BMPR2: variants seen among roughly 807,000 people sequenced by gnomAD.
BMPR2 encodes the protein bone morphogenetic protein receptor type-2.
Under a neutral mutation model 100.8 loss-of-function variants are expected in BMPR2, and 29 were observed. The observed-to-expected ratio is 0.29, with a 90% confidence interval of 0.21 to 0.39. The LOEUF (loss-of-function observed/expected upper bound fraction) is 0.39, where lower values mean the gene tolerates loss of function less well. BMPR2 is among the 10% of genes least tolerant of loss of function. The pLI is 1.00. For missense variants in BMPR2, 1,011 were observed against 1,274.5 expected (o/e 0.79, Z 3.15); for synonymous variants, 382 against 442.3 (o/e 0.86, Z 1.71).
intron 2 of BMPR2, 121 bp from the exon 3 acceptor site, chr2:202,467,397 CA>C (rs1295456599): frequency 2.3e-6 from 2 of 869,182 alleles, no homozygotes; most frequent in Non-Finnish European, 3.7e-6. Context: ...TGTTGATTTG[CA>C]AAACTGTTTC....
intron 1 of BMPR2, among the ~76,000 whole-genome samples, chr2:202,417,812 G>C (rs1053280040): frequency 1.4e-4 from 21 of 151,074 alleles, no homozygotes; most frequent in Middle Eastern, 3.4e-3. Context: ...TCTGCCTTCT[G>C]GGTTCATGCC....
At chr2:202,386,434 T>C (rs938191249) in intron 1 of BMPR2, among the ~76,000 whole-genome samples, 6 of 152,280 alleles carry the variant, frequency 3.9e-5, no homozygotes, top group African/African-American at 1.4e-4. Context: ...AAATTAGAGA[T>C]ATCTTTGTCT....
At position 202,532,509 on chromosome 2, in the gene BMPR2, A is replaced by G. The variant is rs1028573836; in HGVS notation, c.1129-76A>G. 134 of 1,525,950 alleles carry G rather than the reference A, an allele frequency of 8.8e-5. No homozygotes were observed. The highest frequency in any genetic ancestry group is 1.1e-4 in the Non-Finnish European group (118 of 1,105,756). 94.5% of individuals were successfully genotyped at this position (1,525,950 alleles called of 1,614,324 possible). ...ACATTGACATGACTAAGATTTATATATAACTTCTGGTCTAATGTCTGTTCT... is the reference window on the plus strand; with the variant it reads ...ACATTGACATGACTAAGATTTATATGTAACTTCTGGTCTAATGTCTGTTCT... On this transcript the variant is annotated intron_variant, in intron 8 of 12. Coordinates refer to ENST00000374580, the MANE Select transcript of BMPR2 (RefSeq NM_001204.7). This position sits in a 1 kb window ranked among gnomAD's most constrained non-coding sequence, Gnocchi z 4.1.
intron 5 of BMPR2, among the ~76,000 whole-genome samples, chr2:202,515,268 G>A (rs1172871591): frequency 6.6e-6 from 1 of 151,976 alleles, no homozygotes; most frequent in Non-Finnish European, 1.5e-5. Flanking sequence ...GTGATGAAAA[G>A]GGGGTTATTA....
intron 1 of BMPR2, among the ~76,000 whole-genome samples, chr2:202,445,829 C>G (rs960238452): frequency 7.1e-6 from 1 of 139,866 alleles, no homozygotes; most frequent in Non-Finnish European, 1.5e-5. Context: ...GGCTGGAGTG[C>G]AGTGGCACAA....
At chr2:202,387,214 A>G (rs1328245844) in intron 1 of BMPR2, among the ~76,000 whole-genome samples, 2 of 152,230 alleles carry the variant, frequency 1.3e-5, no homozygotes, top group African/African-American at 4.8e-5. Context: ...TAGGTTTAAG[A>G]TACCTTATTC....
intron 1 of BMPR2, among the ~76,000 whole-genome samples, chr2:202,377,799 C>T (rs556105428): frequency 6.6e-6 from 1 of 152,338 alleles, no homozygotes; most frequent in African/African-American, 2.4e-5. Flanking sequence ...GTGAAAAAGA[C>T]ATATTGGGTG....
intron 10 of BMPR2, among the ~76,000 whole-genome samples, chr2:202,543,641 C>T (rs1284150718): frequency 1.3e-5 from 2 of 152,002 alleles, no homozygotes; most frequent in Non-Finnish European, 2.9e-5. Context: ...TTTTTCTCTT[C>T]CAAAGATTAC....
rs189276235 is a variant in BMPR2 at position 202,546,246 on chromosome 2, G to A, written c.1413+3799G>A. Among the ~76,000 whole-genome samples the A allele has an allele frequency of 2.1e-3, 324 of 152,292 alleles. 1 individual carries two copies. Among genetic ancestry groups the A allele is most frequent in the African/African-American group, 7.3e-3 (304 of 41,552 alleles). ...AGCAAGTACATAGTTTATAAAAAGA[G>A]AGAAATGCAGCTATGTCTAAAGAAG... is the stretch of plus-strand genomic sequence containing the variant. On this transcript the variant is annotated intron_variant, in intron 10 of 12. Coordinates refer to ENST00000374580, the MANE Select transcript of BMPR2 (RefSeq NM_001204.7).
intron 1 of BMPR2, among the ~76,000 whole-genome samples, chr2:202,410,724 C>T (rs1029444926): frequency 2.0e-5 from 3 of 151,964 alleles, no homozygotes; most frequent in African/African-American, 4.8e-5. Flanking sequence ...GGACTACAGG[C>T]GCCCGCTGCC....
Position 202,565,271 on chromosome 2 carries a change from C to T in BMPR2, c.*5325C>T, listed in dbSNP as rs1688742171. 6.6e-6 allele frequency: 1 copy of T among 152,156 alleles called. No homozygotes were observed. Among genetic ancestry groups the T allele is most frequent in the African/African-American group, 2.4e-5 (1 of 41,432 alleles). The allele number at this position is 152,156 out of a possible 1,614,324, so 9.4% of individuals were successfully genotyped here. ...AGTATGCTTCAGGCCTCTCAATGAACACTTAAGTCTCAATTCTTCAGACAA... is the reference window on the plus strand; with the variant it reads ...AGTATGCTTCAGGCCTCTCAATGAATACTTAAGTCTCAATTCTTCAGACAA... On this transcript the variant is annotated 3_prime_UTR_variant, in exon 13 of 13. Transcript: ENST00000374580.
At chr2:202,550,279 G>A (rs576728140) in intron 10 of BMPR2, among the ~76,000 whole-genome samples, 2 of 151,562 alleles carry the variant, frequency 1.3e-5, no homozygotes, top group East Asian at 2.0e-4. Flanking sequence ...AGGCTGAGGC[G>A]GGAGAATGGC....
rs1688776038 is a variant in BMPR2, at chr2:202,567,114, A to G, written c.*7168A>G. On this transcript the variant is annotated 3_prime_UTR_variant, in exon 13 of 13. Transcript: ENST00000374580. The stretch of plus-strand genomic sequence containing the variant: ...TTGTATCAGTGTTTATGTAAGCTGG[A>G]ATCATCCTCAGTTTTTTGCTGATAA... The G allele has an allele frequency of 1.3e-5, 2 of 152,264 alleles. No homozygotes were observed. Among genetic ancestry groups the G allele is most frequent in the Non-Finnish European group, 2.9e-5 (2 of 68,032 alleles). 9.4% of individuals were successfully genotyped at this position (152,264 alleles called of 1,614,324 possible). A position where few individuals can be genotyped will look rare whatever the true frequency, so the allele number is the denominator to read the frequency against.
In BMPR2 at chr2:202,555,905, A is replaced by C; in HGVS notation, c.2240A>C (p.Lys747Thr). 6.2e-7 allele frequency: 1 copy of C among 1,614,168 alleles called. No individual in the cohort carries two copies. The highest frequency in any genetic ancestry group is 8.5e-7 in the Non-Finnish European group (1 of 1,180,038). Reference protein sequence around the residue: ...VLPTQIYPLPKQQNLPKRPTS... With the variant: ...VLPTQIYPLPTQQNLPKRPTS... ...CCTACTCAGATCTATCCTCTCCCCAAGCAGCAGAACCTTCCCAAGAGACCT... is the reference window on the plus strand; with the variant it reads ...CCTACTCAGATCTATCCTCTCCCCACGCAGCAGAACCTTCCCAAGAGACCT... The change falls in exon 12 of 13, where the codon AAG becomes ACG. Residue 747 changes from lysine to threonine, a missense_variant. By Grantham distance (78) the Lys-to-Thr change is moderately conservative (BLOSUM62 -1). Transcript: ENST00000374580.
rs993458720 is a variant in BMPR2 at position 202,443,876 on chromosome 2, G to T, written c.77-20933G>T. The stretch of plus-strand genomic sequence containing the variant: ...CTTGTACCAGATAATTTTTTTTCCA[G>T]ATAATTTCTGTGTGTGTATATGGAG... On this transcript the variant is annotated intron_variant, in intron 1 of 12. Transcript: ENST00000374580. Among the ~76,000 whole-genome samples, 3 of 150,360 alleles carry T rather than the reference G, an allele frequency of 2.0e-5. 1 individual carries two copies. Among genetic ancestry groups the T allele is most frequent in the African/African-American group, 7.5e-5 (3 of 39,806 alleles).
At chr2:202,549,131 TC>T (rs1202410883) in intron 10 of BMPR2, among the ~76,000 whole-genome samples, 1 of 152,174 alleles carries the variant, frequency 6.6e-6, no homozygotes, top group Non-Finnish European at 1.5e-5. Context: ...ATAAATGGAA[TC>T]ATATAAATGT....
chr2:202,442,181 T>A (rs1691760640), intron 1 of BMPR2, among the ~76,000 whole-genome samples: 1 of 150,626 alleles, frequency 6.6e-6, no homozygotes, highest in African/African-American at 2.5e-5. Context: ...ATTTCAGTGA[T>A]CTTTTACTTT....
At chr2:202,486,988 C>T (rs1692791374) in intron 3 of BMPR2, among the ~76,000 whole-genome samples, 1 of 152,124 alleles carries the variant, frequency 6.6e-6, no homozygotes, top group African/African-American at 2.4e-5. Flanking sequence ...GCTGTGTATT[C>T]TCATGGGTCT....
intron 1 of BMPR2, among the ~76,000 whole-genome samples, chr2:202,448,596 A>G (rs533556810): frequency 1.3e-5 from 2 of 151,044 alleles, no homozygotes; most frequent in South Asian, 4.2e-4. Flanking sequence ...AGCTGGAACT[A>G]CAGGCACGTG....
Sources: allele counts gnomAD v4.1 joint callset (sites outside exome capture counted in the v4.1 genomes callset), GRCh38; gene constraint gnomAD v4.1.1; non-coding constraint Gnocchi (gnomAD v3.1); transcripts MANE v1.5; gene names NCBI Gene and HGNC (gene_info 2026-07-23, HGNC 2026-07-21).